Variants in MYO1B observed in about 807,000 individuals in gnomAD.
MYO1B encodes the protein myosin IB, also known as unconventional myosin-Ib.
In MYO1B, 72 loss-of-function variants were observed where a neutral mutation model predicts 159.7. The ratio of observed to expected loss-of-function variants is 0.45; its 90% CI spans 0.37 to 0.55. The LOEUF is 0.55. MYO1B is among the 20% of genes least tolerant of loss of function. The pLI is 0.00. For synonymous variants in MYO1B, 468 were observed against 473.8 expected (o/e 0.99, Z 0.16); for missense variants, 1,062 against 1,364.8 (o/e 0.78, Z 3.50).
At chr2:191,411,222 C>A in intron 27 of MYO1B, 50 bp downstream of exon 27, 1 of 1,258,344 alleles carries the variant, frequency 7.9e-7, no homozygotes, top group South Asian at 1.4e-5. Context: ...AAAAGTTTCT[C>A]AAGTATATTT....
intron 13 of MYO1B, among the ~76,000 whole-genome samples, chr2:191,374,061 TTTC>T (rs1457177014): frequency 1.8e-4 from 28 of 152,204 alleles, no homozygotes; most frequent in Non-Finnish European, 3.4e-4. Flanking sequence ...CAGACGTGTT[TTTC>T]TTCTTTTAAT....
chr2:191,344,613 G>A (rs987965716), intron 5 of MYO1B, among the ~76,000 whole-genome samples: 1 of 151,922 alleles, frequency 6.6e-6, no homozygotes, highest in Non-Finnish European at 1.5e-5. Flanking sequence ...GGTGGATCAC[G>A]AGGTCAGGAG....
intron 1 of MYO1B, among the ~76,000 whole-genome samples, chr2:191,251,925 C>T (rs898323579): frequency 6.6e-6 from 1 of 152,184 alleles, no homozygotes; most frequent in Non-Finnish European, 1.5e-5. Flanking sequence ...CACCTTCTCT[C>T]TCCATCATTG....
intron 2 of MYO1B, among the ~76,000 whole-genome samples, chr2:191,282,049 T>TTAA (rs1411563026): frequency 6.6e-6 from 1 of 152,228 alleles, no homozygotes; most frequent in Non-Finnish European, 1.5e-5. Flanking sequence ...ATTTAAAATA[T>TTAA]TGTAAAGTTA....
intron 2 of MYO1B, among the ~76,000 whole-genome samples, chr2:191,281,765 T>C (rs1256659216): frequency 6.6e-6 from 1 of 152,198 alleles, no homozygotes; most frequent in Non-Finnish European, 1.5e-5. Flanking sequence ...AACCAAGGTG[T>C]CTGTTCTCTG....
intron 11 of MYO1B, among the ~76,000 whole-genome samples, chr2:191,368,843 AC>A: frequency 6.6e-6 from 1 of 152,222 alleles, no homozygotes; most frequent in African/African-American, 2.4e-5. Flanking sequence ...GCGTGGTGGC[AC>A]ACACGTGTAG....
intron 3 of MYO1B, among the ~76,000 whole-genome samples, chr2:191,324,566 T>G (rs1291888301): frequency 6.6e-6 from 1 of 152,186 alleles, no homozygotes; most frequent in African/African-American, 2.4e-5. Context: ...TATGTTTGTT[T>G]TCACATTGTT....
intron 13 of MYO1B, among the ~76,000 whole-genome samples, chr2:191,378,689 AAAAT>A (rs1230611475): frequency 6.6e-6 from 1 of 152,164 alleles, no homozygotes; most frequent in African/African-American, 2.4e-5. Context: ...ATTGATAAGA[AAAAT>A]AAAATAGTGG....
intron 1 of MYO1B, among the ~76,000 whole-genome samples, chr2:191,267,077 G>T (rs1478590168): frequency 1.3e-5 from 2 of 152,104 alleles, no homozygotes; most frequent in African/African-American, 4.8e-5. Flanking sequence ...CTTGATCTTG[G>T]TGGTGCCTGT....
chr2:191,262,514 A>G (rs1201155359), intron 1 of MYO1B, among the ~76,000 whole-genome samples: 1 of 152,046 alleles, frequency 6.6e-6, no homozygotes. Context: ...CTTCCATGGG[A>G]CCATCACCAG....
intron 4 of MYO1B, among the ~76,000 whole-genome samples, chr2:191,332,052 C>G (rs969270600): frequency 6.6e-6 from 1 of 152,170 alleles, no homozygotes; most frequent in African/African-American, 2.4e-5. Flanking sequence ...AACCTCCACC[C>G]TCTGGGTTCA....
intron 20 of MYO1B, among the ~76,000 whole-genome samples, chr2:191,394,242 C>T (rs1695932410): frequency 2.6e-5 from 4 of 152,134 alleles, no homozygotes; most frequent in Non-Finnish European, 5.9e-5. Context: ...TCTGCAGAGG[C>T]ACTTTGGACT....
chr2:191,309,174 C>A (rs1689836361), intron 3 of MYO1B, among the ~76,000 whole-genome samples: 1 of 152,206 alleles, frequency 6.6e-6, no homozygotes, highest in Non-Finnish European at 1.5e-5. Flanking sequence ...CGCTTCAAAC[C>A]AGACTTAGGA....
At chr2:191,275,037 G>A (rs1687664987) in intron 1 of MYO1B, among the ~76,000 whole-genome samples, 1 of 152,094 alleles carries the variant, frequency 6.6e-6, no homozygotes, top group Non-Finnish European at 1.5e-5. Context: ...CTCCTGAGTA[G>A]CTGGGATTAC....
At chr2:191,398,540 C>T (rs1256264521) in intron 21 of MYO1B, among the ~76,000 whole-genome samples, 1 of 150,734 alleles carries the variant, frequency 6.6e-6, no homozygotes. Context: ...AGGGTTTCCT[C>T]ACTTCTCAGA....
chr2:191,299,594 A>T (rs1188186627), intron 3 of MYO1B, among the ~76,000 whole-genome samples: 1 of 152,192 alleles, frequency 6.6e-6, no homozygotes. Flanking sequence ...CTAAGGCTAG[A>T]TCCGTTGCTT....
At chr2:191,299,598 G>C (rs1689188469) in intron 3 of MYO1B, among the ~76,000 whole-genome samples, 1 of 152,180 alleles carries the variant, frequency 6.6e-6, no homozygotes, top group South Asian at 2.1e-4. Context: ...GGCTAGATCC[G>C]TTGCTTTTGC....
chr2:191,367,654 G>A (rs538101261), intron 11 of MYO1B, among the ~76,000 whole-genome samples: 1 of 152,302 alleles, frequency 6.6e-6, no homozygotes, highest in Non-Finnish European at 1.5e-5. Context: ...TAGATAGCAT[G>A]TAACTAAAAA....
intron 3 of MYO1B, among the ~76,000 whole-genome samples, chr2:191,299,451 C>A (rs1024039755): frequency 3.3e-5 from 5 of 152,162 alleles, no homozygotes; most frequent in Admixed American, 3.3e-4. Flanking sequence ...CTCATGGGAG[C>A]ATCCTTGCAT....
Sources: gnomAD v4.1 joint callset for allele counts (sites outside exome capture counted in the v4.1 genomes callset) on GRCh38, gnomAD v4.1.1 for gene constraint, MANE v1.5 for transcripts, NCBI Gene and HGNC (gene_info 2026-07-23, HGNC 2026-07-21) for gene names.